SYT14: variants seen among roughly 807,000 people sequenced by gnomAD.
The protein encoded by SYT14 is synaptotagmin-14.
Under a neutral mutation model 74.2 loss-of-function variants are expected in SYT14, and 32 were observed. That is an observed-to-expected ratio of 0.43 (90% CI 0.33 to 0.58). The LOEUF (loss-of-function observed/expected upper bound fraction) is 0.58, where lower values mean the gene tolerates loss of function less well. SYT14 is among the 20% of genes least tolerant of loss of function. SYT14 has a pLI of 0.05. For missense variants in SYT14, 791 were observed against 981.8 expected, an observed-to-expected ratio of 0.81 and a Z score of 2.60; for synonymous variants, 298 against 337.7, an observed-to-expected ratio of 0.88 and a Z score of 1.29.
At chr1:209,972,292 T>A (rs1204168034) in intron 2 of SYT14, among the ~76,000 whole-genome samples, 1 of 152,072 alleles carries the variant, frequency 6.6e-6, no homozygotes, top group Non-Finnish European at 1.5e-5. Flanking sequence ...TTGTTTATCG[T>A]TTCAAAGAAC....
chr1:210,115,517 C>T (rs1429418614), intron 7 of SYT14, among the ~76,000 whole-genome samples: 7 of 151,278 alleles, frequency 4.6e-5, no homozygotes, highest in Non-Finnish European at 8.8e-5. Context: ...TTCCAGAGTC[C>T]GTTACCAGCA....
At position 209,969,677 on chromosome 1, in the gene SYT14, C is replaced by T. The variant is rs146238850; in HGVS notation, c.-486+16921C>T. 2.2e-4 allele frequency among the ~76,000 whole-genome samples: 33 copies of T among 151,702 alleles called. No homozygotes were observed. The East Asian group carries it at 5.3e-3, about 24-fold the overall frequency. ...TAATTTTTTGTATTTTTAGTGTAGA[C>T]GGGGTTTCACCGTGTTAGCCAGGAT... On this transcript the variant is annotated intron_variant, in intron 2 of 9. Transcript: ENST00000637265.
At chr1:210,047,861 C>T (rs2080915316) in intron 5 of SYT14, among the ~76,000 whole-genome samples, 1 of 152,082 alleles carries the variant, frequency 6.6e-6, no homozygotes, top group Non-Finnish European at 1.5e-5. Flanking sequence ...AAAAGATGTC[C>T]ACTTTTTTCA....
chr1:210,089,035 C>A (rs775973246), intron 5 of SYT14, among the ~76,000 whole-genome samples: 4 of 152,138 alleles, frequency 2.6e-5, no homozygotes, highest in Non-Finnish European at 5.9e-5. Context: ...CCCTAGCCCT[C>A]CATCCCCTGA....
chr1:209,999,092 A>G (rs2079847852), intron 2 of SYT14, among the ~76,000 whole-genome samples: 1 of 152,138 alleles, frequency 6.6e-6, no homozygotes, highest in Non-Finnish European at 1.5e-5. Context: ...TCAGTGGCAG[A>G]AAAGTAAATA....
intron 5 of SYT14, among the ~76,000 whole-genome samples, chr1:210,082,837 T>G (rs749522282): frequency 2.2e-4 from 34 of 152,234 alleles, no homozygotes; most frequent in Non-Finnish European, 7.3e-5. Context: ...GTGAGTATGG[T>G]CTTGCTTTAC....
In SYT14 at chr1:210,094,549, G is replaced by A. The variant is rs1208758210; in HGVS notation, c.1540G>A (p.Glu514Lys). 7 of 1,225,150 alleles carry A rather than the reference G, an allele frequency of 5.7e-6. No individual in the cohort carries two copies. In the African/African-American group the frequency reaches 7.0e-5, roughly 12 times the overall value. 75.9% of individuals were successfully genotyped at this position (1,225,150 alleles called of 1,614,324 possible). A position where few individuals can be genotyped will look rare whatever the true frequency, so the allele number is the denominator to read the frequency against. The change falls in exon 6 of 10, where the codon GAA becomes AAA. Residue 514 changes from glutamate to lysine, a missense_variant. By Grantham distance (56) the Glu-to-Lys change is moderately conservative (BLOSUM62 1). Coordinates refer to ENST00000637265, the Ensembl canonical transcript of SYT14. ...AGAAAGTTTTCATAATAAAGGATAT[G>A]AAGAAGATGTTCCAAGTGACAGCAC...
At chr1:210,049,562 C>T (rs935786473) in intron 5 of SYT14, among the ~76,000 whole-genome samples, 25 of 152,014 alleles carry the variant, frequency 1.6e-4, no homozygotes, top group Non-Finnish European at 3.4e-4. Context: ...AGGTATTTCT[C>T]CTAATGCTAT....
At chr1:210,007,058 TC>T (rs552964616) in intron 2 of SYT14, among the ~76,000 whole-genome samples, 164 of 152,068 alleles carry the variant, frequency 1.1e-3, no homozygotes, top group African/African-American at 3.8e-3. Flanking sequence ...TTCATTTTTT[TC>T]AATGACCAAC....
chr1:210,116,000 T>C (rs1358406140), intron 7 of SYT14, among the ~76,000 whole-genome samples: 1 of 150,692 alleles, frequency 6.6e-6, no homozygotes, highest in Non-Finnish European at 1.5e-5. Flanking sequence ...TAGTGGAAAA[T>C]TATAGTCAAT....
At chr1:209,993,011 T>G (rs919648993) in intron 2 of SYT14, among the ~76,000 whole-genome samples, 4 of 152,146 alleles carry the variant, frequency 2.6e-5, no homozygotes, top group African/African-American at 4.8e-5. Context: ...ACCCCTAGGA[T>G]CCTAGTTACT....
In SYT14 at chr1:210,013,443, G is replaced by T. The variant is rs538425615; in HGVS notation, c.-485-190G>T. On this transcript the variant is annotated intron_variant, in intron 2 of 9. Transcript: ENST00000637265. ...TTAGAAAATTTGAATGAATGCTGCT[G>T]AATGAATTGAACAACTGTCATCAAA... is the stretch of plus-strand genomic sequence containing the variant. Among the ~76,000 whole-genome samples the T allele has an allele frequency of 1.4e-3, 219 of 152,300 alleles. 1 individual carries two copies. The highest frequency in any genetic ancestry group is 4.9e-3 in the African/African-American group (203 of 41,570).
intron 8 of SYT14, 121 bp from the exon 8 acceptor site, chr1:210,159,300 T>C (rs1474846966): frequency 1.1e-6 from 1 of 951,080 alleles, no homozygotes; most frequent in Non-Finnish European, 1.7e-6. Context: ...TGCTAAAGTT[T>C]TGTGTTCTTC....
At chr1:209,974,990 C>T (rs1426479309) in intron 2 of SYT14, among the ~76,000 whole-genome samples, 1 of 152,146 alleles carries the variant, frequency 6.6e-6, no homozygotes, top group Non-Finnish European at 1.5e-5. Context: ...AATGGGAGTT[C>T]ACTCATGATT....
In SYT14 at chr1:210,063,887, T is replaced by A. The variant is rs72649945; in HGVS notation, c.1313-30435T>A. On this transcript the variant is annotated intron_variant, in intron 5 of 9. Coordinates refer to ENST00000637265, the Ensembl canonical transcript of SYT14. ...ATCTTAATTTTTTTTAGTATTTTTT[T>A]AAAAATCAACTTGAGATATAACAGC... is the stretch of plus-strand genomic sequence containing the variant. Among the ~76,000 whole-genome samples the A allele has an allele frequency of 0.016, 2,360 of 151,954 alleles. 188 individuals are homozygous for A. The East Asian group carries it at 0.25, about 16-fold the overall frequency.
intron 2 of SYT14, among the ~76,000 whole-genome samples, chr1:209,965,451 A>T (rs1456134815): frequency 6.6e-6 from 1 of 152,162 alleles, no homozygotes; most frequent in African/African-American, 2.4e-5. Context: ...TTCTTTATCC[A>T]GTCAATTGTT....
intron 7 of SYT14, among the ~76,000 whole-genome samples, chr1:210,121,131 G>A (rs1206577373): frequency 1.3e-5 from 2 of 152,174 alleles, no homozygotes; most frequent in African/African-American, 4.8e-5. Context: ...TGTAAAAAGA[G>A]ATAGTAACGA....
chr1:210,120,829 C>G (rs1386052604), intron 7 of SYT14, among the ~76,000 whole-genome samples: 6 of 152,022 alleles, frequency 3.9e-5, no homozygotes, highest in African/African-American at 1.2e-4. Context: ...ATATTTCTCC[C>G]TGAAATGAAA....
intron 7 of SYT14, among the ~76,000 whole-genome samples, chr1:210,144,129 CT>C (rs1388052809): frequency 6.6e-6 from 1 of 152,140 alleles, no homozygotes; most frequent in Non-Finnish European, 1.5e-5. Flanking sequence ...TGCTGCAGCT[CT>C]GAAATCCAGT....
Sources: allele counts gnomAD v4.1 joint callset (sites outside exome capture counted in the v4.1 genomes callset), GRCh38; gene constraint gnomAD v4.1.1; transcripts MANE v1.5; gene names NCBI Gene and HGNC (gene_info 2026-07-23, HGNC 2026-07-21).